PTGIS: variants seen among roughly 807,000 people sequenced by gnomAD.
PTGIS encodes prostacyclin synthase.
A neutral mutation model predicts 50.3 loss-of-function variants in PTGIS; 45 were observed. The ratio of observed to expected loss-of-function variants is 0.90; its 90% CI spans 0.70 to 1.15. PTGIS has a LOEUF of 1.15. Among genes scored for constraint, PTGIS ranks in the 50% most tolerant of loss-of-function variants. PTGIS has a pLI of 0.00. For missense variants in PTGIS, 668 were observed against 661.3 expected, an observed-to-expected ratio of 1.01 and a Z score of -0.11; for synonymous variants, 260 against 267.7, an observed-to-expected ratio of 0.97 and a Z score of 0.28.
rs964111037 is a variant in PTGIS at position 49,504,751 on chromosome 20, A to T, written c.*3169T>A. On this transcript the variant is annotated 3_prime_UTR_variant, in exon 10 of 10. Transcript: ENST00000244043. ...CTGTTTAAAGGAGAATATTTGGTAA[A>T]CAACAATATTAAAATATAGCAAATA... is the stretch of plus-strand genomic sequence containing the variant. 2 of 152,144 alleles carry T rather than the reference A, an allele frequency of 1.3e-5. No homozygotes were observed. The highest frequency in any genetic ancestry group is 2.9e-5 in the Non-Finnish European group (2 of 68,022). 9.4% of individuals were successfully genotyped at this position (152,144 alleles called of 1,614,324 possible). A position where few individuals can be genotyped will look rare whatever the true frequency, so the allele number is the denominator to read the frequency against.
chr20:49,562,520 G>A lies in PTGIS; in HGVS notation c.74+5523C>T, dbSNP rs1697862529. Among the ~76,000 whole-genome samples, 4 of 152,348 alleles carry A rather than the reference G, an allele frequency of 2.6e-5. No individual in the cohort carries two copies. In the South Asian group the frequency reaches 8.3e-4, roughly 32 times the overall value. On this transcript the variant is annotated intron_variant, in intron 1 of 9. Coordinates refer to ENST00000244043, the MANE Select transcript of PTGIS (RefSeq NM_000961.4). ...GTGACTCAGCCTGCAGCCAGCGGGG[G>A]CGAAGGAGGCTCTGTTTTGGGGACT...
intron 3 of PTGIS, among the ~76,000 whole-genome samples, chr20:49,545,434 G>GAA (rs11435089): frequency 8.0e-5 from 11 of 137,664 alleles, no homozygotes; most frequent in African/African-American, 2.4e-4. Flanking sequence ...AAAAAGAAAA[G>GAA]AAAAAAAAAA....
rs1981143074 is a variant in PTGIS at position 49,506,036 on chromosome 20, G to C, written c.*1884C>G. On this transcript the variant is annotated 3_prime_UTR_variant, in exon 10 of 10. Coordinates refer to ENST00000244043, the MANE Select transcript of PTGIS (RefSeq NM_000961.4). ...GGTGCCTCTGGCTCTGTCAGCTCCT[G>C]AAGTCGAGAAGAATTGTCCCATCAC... 1 of 152,684 alleles carries C rather than the reference G, an allele frequency of 6.5e-6. No homozygotes were observed. The highest frequency in any genetic ancestry group is 2.1e-4 in the South Asian group (1 of 4,828). 9.5% of individuals were successfully genotyped at this position (152,684 alleles called of 1,614,324 possible).
chr20:49,511,768 G>A (rs1869898117), intron 8 of PTGIS, among the ~76,000 whole-genome samples: 1 of 152,208 alleles, frequency 6.6e-6, no homozygotes, highest in Non-Finnish European at 1.5e-5. Context: ...TGAAAGATGG[G>A]TGGAAGGATA....
At chr20:49,530,000 C>T (rs1286179010) in intron 5 of PTGIS, among the ~76,000 whole-genome samples, 1 of 151,732 alleles carries the variant, frequency 6.6e-6, no homozygotes, top group Non-Finnish European at 1.5e-5. Context: ...ACTAAAAATA[C>T]AAAATTAGCT....
Position 49,507,967 on chromosome 20 carries a change from T to A in PTGIS, c.1456A>T (p.Met486Leu), listed in dbSNP as rs747737982. The A allele has an allele frequency of 6.2e-7, 1 of 1,613,700 alleles. No individual in the cohort carries two copies. The highest frequency in any genetic ancestry group is 1.6e-4 in the Middle Eastern group (1 of 6,062). ...FDLSRYGFGL[M>L]QPEHDVPVRY... ...ACGGGCACGTCGTGTTCCGGCTGCATCAGACCGAAGCCGTACCTGCTGAGG... is the reference window on the plus strand; with the variant it reads ...ACGGGCACGTCGTGTTCCGGCTGCAACAGACCGAAGCCGTACCTGCTGAGG... Residue 486 changes from methionine (M) to leucine (L), a missense_variant, in exon 10 of 10, where the codon ATG becomes TTG. By Grantham distance (15) the Met-to-Leu change is conservative. Transcript: ENST00000244043.
chr20:49,545,357 C>A (rs1982330665), intron 3 of PTGIS, among the ~76,000 whole-genome samples: 2 of 151,658 alleles, frequency 1.3e-5, no homozygotes, highest in African/African-American at 4.9e-5. Flanking sequence ...GAGTTTGAAG[C>A]TGCAGTGAGC....
chr20:49,521,146 T>C (rs531105843), intron 6 of PTGIS, among the ~76,000 whole-genome samples: 6 of 152,356 alleles, frequency 3.9e-5, no homozygotes, highest in South Asian at 2.1e-4. Flanking sequence ...AGTTACAAAA[T>C]TGCACATGTA....
chr20:49,557,400 G>A (rs1257749123), intron 1 of PTGIS, among the ~76,000 whole-genome samples: 3 of 152,000 alleles, frequency 2.0e-5, no homozygotes, highest in Non-Finnish European at 4.4e-5. Context: ...AGACCAGCCT[G>A]GGAAACAGAG....
At chr20:49,553,454 A>T (rs1487348818) in intron 1 of PTGIS, among the ~76,000 whole-genome samples, 1 of 152,100 alleles carries the variant, frequency 6.6e-6, no homozygotes, top group Admixed American at 6.5e-5. Context: ...CACAGTTTTC[A>T]TAAGTAATCT....
chr20:49,524,626 T>A (rs556681770), intron 5 of PTGIS, among the ~76,000 whole-genome samples: 55 of 152,304 alleles, frequency 3.6e-4, no homozygotes, highest in African/African-American at 1.3e-3. Context: ...TTATTTATTT[T>A]TTAAAAAATA....
chr20:49,567,946 G>T, intron 1 of PTGIS, 97 bp downstream of exon 1: 1 of 1,206,836 alleles, frequency 8.3e-7, no homozygotes, highest in Non-Finnish European at 1.1e-6. Context: ...AGCGGGACTC[G>T]GGCCGGGCCG....
chr20:49,526,392 C>T (rs761373565), intron 5 of PTGIS, among the ~76,000 whole-genome samples: 29 of 152,186 alleles, frequency 1.9e-4, no homozygotes, highest in Non-Finnish European at 3.4e-4. Flanking sequence ...GTAAACACGG[C>T]GTTTACAGAT....
chr20:49,550,225 G>C lies in PTGIS; in HGVS notation c.75-36C>G, dbSNP rs370043694. 72 of 1,606,126 alleles carry C rather than the reference G, an allele frequency of 4.5e-5. No individual in the cohort carries two copies. In the African/African-American group the frequency reaches 8.7e-4, roughly 19 times the overall value. On this transcript the variant is annotated intron_variant, in intron 1 of 9. Coordinates refer to ENST00000244043, the MANE Select transcript of PTGIS (RefSeq NM_000961.4). ...CATGGCACTTGTCACCATTTGATAAGGCAAGGAAGGGCATAAAGAGTGTAG... is the reference window on the plus strand; with the variant it reads ...CATGGCACTTGTCACCATTTGATAACGCAAGGAAGGGCATAAAGAGTGTAG...
chr20:49,536,373 T>C (rs978118767), intron 5 of PTGIS, among the ~76,000 whole-genome samples: 1 of 152,210 alleles, frequency 6.6e-6, no homozygotes, highest in Non-Finnish European at 1.5e-5. Flanking sequence ...GATGAAGTGT[T>C]TGAGCACTGA....
chr20:49,537,562 C>A (rs1431212588), intron 5 of PTGIS, among the ~76,000 whole-genome samples: 1 of 152,076 alleles, frequency 6.6e-6, no homozygotes, highest in African/African-American at 2.4e-5. Context: ...TAAGACCAGC[C>A]TGGCCAACAT....
intron 4 of PTGIS, among the ~76,000 whole-genome samples, chr20:49,541,473 T>C (rs1310244609): frequency 1.3e-5 from 2 of 152,164 alleles, no homozygotes; most frequent in African/African-American, 4.8e-5. Context: ...GGCTCACGCC[T>C]GTAATCCTAG....
intron 1 of PTGIS, among the ~76,000 whole-genome samples, chr20:49,559,071 T>C (rs1982695444): frequency 6.6e-6 from 1 of 152,130 alleles, no homozygotes. Context: ...CGTTAAATCA[T>C]GCTTACCCAA....
chr20:49,506,225 T>C lies in PTGIS; in HGVS notation c.*1695A>G, dbSNP rs5600. The stretch of plus-strand genomic sequence containing the variant: ...TGAAGTGGGCACAACCCTCCTTCTC[T>C]TCATAGAGATGCTGTGAGGAGTAGA... On this transcript the variant is annotated 3_prime_UTR_variant, in exon 10 of 10. Coordinates refer to ENST00000244043, the MANE Select transcript of PTGIS (RefSeq NM_000961.4). 0.23 allele frequency: 34,518 copies of C among 152,222 alleles called. 4,183 individuals are homozygous for C. Among genetic ancestry groups the C allele is most frequent in the Middle Eastern group, 0.34 (100 of 294 alleles). The allele number at this position is 152,222 out of a possible 1,614,324, so 9.4% of individuals were successfully genotyped here.
Sources: allele counts gnomAD v4.1 joint callset (sites outside exome capture counted in the v4.1 genomes callset), GRCh38; gene constraint gnomAD v4.1.1; transcripts MANE v1.5; gene names NCBI Gene and HGNC (gene_info 2026-07-23, HGNC 2026-07-21).